The following SUFU variants were observed in gnomAD, a reference collection of about 807,000 sequenced individuals.
SUFU encodes suppressor of fused homolog.
A neutral mutation model predicts 58.9 loss-of-function variants in SUFU; 7 were observed. The ratio of observed to expected loss-of-function variants is 0.12; its 90% CI spans 0.07 to 0.22. The LOEUF is 0.22. SUFU is among the 10% of genes least tolerant of loss of function. The pLI is 1.00. For missense variants in SUFU, 451 were observed against 641.3 expected (o/e 0.70, Z 3.20); for synonymous variants, 232 against 254.8 (o/e 0.91, Z 0.85).
intron 11 of SUFU, among the ~76,000 whole-genome samples, chr10:102,627,950 C>T (rs2063801395): frequency 6.6e-6 from 1 of 152,234 alleles, no homozygotes; most frequent in Non-Finnish European, 1.5e-5. Context: ...GCCCGCAGCA[C>T]CCCAGTGGGA....
chr10:102,579,241 G>A (rs570278191), intron 3 of SUFU, among the ~76,000 whole-genome samples: 2 of 152,276 alleles, frequency 1.3e-5, no homozygotes, highest in South Asian at 4.1e-4. Context: ...CACCCTCATT[G>A]GGGGGAGAAT....
At chr10:102,605,531 G>T (rs1404862775) in intron 8 of SUFU, among the ~76,000 whole-genome samples, 3 of 152,134 alleles carry the variant, frequency 2.0e-5, no homozygotes, top group African/African-American at 7.2e-5. Context: ...TTGTCATTTG[G>T]TTATTGGTGT....
chr10:102,628,537 G>A lies in SUFU; in HGVS notation c.1365+1294G>A, dbSNP rs566992520. ...AGAGGCCTTGTCGCACTGGGATGGCGCTGTGCCAGGCTGCTGCTTTGAGCT... is the reference window on the plus strand; with the variant it reads ...AGAGGCCTTGTCGCACTGGGATGGCACTGTGCCAGGCTGCTGCTTTGAGCT... On this transcript the variant is annotated intron_variant, in intron 11 of 11. Transcript: ENST00000369902. The surrounding 1 kb of genome is among the most constrained non-coding windows in gnomAD (Gnocchi z 4.5). 3.3e-5 allele frequency among the ~76,000 whole-genome samples: 5 copies of A among 152,354 alleles called. No homozygotes were observed. Among genetic ancestry groups the A allele is most frequent in the East Asian group, 3.9e-4 (2 of 5,188 alleles).
intron 3 of SUFU, among the ~76,000 whole-genome samples, chr10:102,592,155 T>C (rs1353738765): frequency 6.6e-6 from 1 of 152,188 alleles, no homozygotes; most frequent in Non-Finnish European, 1.5e-5. Context: ...GGTCTGTTTC[T>C]CCAAGGTGAA....
intron 10 of SUFU, among the ~76,000 whole-genome samples, chr10:102,620,491 A>C (rs950667073): frequency 6.6e-6 from 1 of 152,212 alleles, no homozygotes; most frequent in Non-Finnish European, 1.5e-5. Flanking sequence ...CAGGTGGAGC[A>C]CAGTGGACAC....
At chr10:102,518,703 T>C (rs1440080096) in intron 2 of SUFU, among the ~76,000 whole-genome samples, 1 of 152,004 alleles carries the variant, frequency 6.6e-6, no homozygotes, top group Non-Finnish European at 1.5e-5. Context: ...TGCACCATCA[T>C]GCCTGGCTAA....
At chr10:102,595,590 G>A (rs564272998) in intron 6 of SUFU, among the ~76,000 whole-genome samples, 20 of 1,388 alleles carry the variant, frequency 0.014, no homozygotes, top group African/African-American at 0.028. Context: ...TCCATGCCAA[G>A]GGCTGTTCTT....
In SUFU at chr10:102,606,978, G is replaced by A. The variant is rs2063567837; in HGVS notation, c.1022+7434G>A. Among the ~76,000 whole-genome samples, 4 of 152,102 alleles carry A rather than the reference G, an allele frequency of 2.6e-5. No homozygotes were observed. In the South Asian group the frequency reaches 8.3e-4, roughly 31 times the overall value. On this transcript the variant is annotated intron_variant, in intron 8 of 11. Coordinates refer to ENST00000369902, the MANE Select transcript of SUFU (RefSeq NM_016169.4). ...GGTTGGAAGGATCCTCTGGAGAAAT[G>A]TCTCCAAGAAAATAAAATTGATAAA...
At chr10:102,506,656 G>A (rs57795708) in intron 1 of SUFU, among the ~76,000 whole-genome samples, 65 of 152,358 alleles carry the variant, frequency 4.3e-4, no homozygotes, top group African/African-American at 1.5e-3. Context: ...TAGGATTACA[G>A]GCGTGAGCCA....
rs987310561 is a variant in SUFU, at chr10:102,599,289, T to TTACATCTGGATG, written c.911-143_911-132dup. 2.3e-5 allele frequency: 17 copies of TTACATCTGGATG among 735,646 alleles called. No individual in the cohort carries two copies. In the African/African-American group the frequency reaches 2.8e-4, roughly 12 times the overall value. The allele number at this position is 735,646 out of a possible 1,614,324, so 45.6% of individuals were successfully genotyped here. ...CTCGCAATCTGTACTCACTCAGCGC[T>TTACATCTGGATG]TACATCTGGATGCGTAGAGTGGGCT... On this transcript the variant is annotated intron_variant, in intron 7 of 11. Coordinates refer to ENST00000369902, the MANE Select transcript of SUFU (RefSeq NM_016169.4).
At chr10:102,594,187 C>A in intron 6 of SUFU, 122 bp downstream of exon 6, 2 of 987,698 alleles carry the variant, frequency 2.0e-6, no homozygotes, top group Non-Finnish European at 1.6e-6. Flanking sequence ...AATATGGCAT[C>A]ACTTGGAACT....
chr10:102,571,131 G>A (rs2063156212), intron 3 of SUFU, among the ~76,000 whole-genome samples: 1 of 152,130 alleles, frequency 6.6e-6, no homozygotes, highest in Non-Finnish European at 1.5e-5. Context: ...TAAGAGAGGA[G>A]ACTCTTAACT....
intron 10 of SUFU, among the ~76,000 whole-genome samples, chr10:102,621,362 C>T (rs2063738937): frequency 6.6e-6 from 1 of 152,318 alleles, no homozygotes; most frequent in East Asian, 1.9e-4. Context: ...TAGGAAAGGA[C>T]TGTGATGCCG....
chr10:102,523,130 A>G (rs1212952027), intron 2 of SUFU, among the ~76,000 whole-genome samples: 2 of 152,142 alleles, frequency 1.3e-5, no homozygotes, highest in African/African-American at 2.4e-5. Context: ...TCAGAGAGGT[A>G]TGGTTCACTG....
chr10:102,508,700 C>G (rs1369682684), intron 1 of SUFU, among the ~76,000 whole-genome samples: 1 of 152,188 alleles, frequency 6.6e-6, no homozygotes, highest in Non-Finnish European at 1.5e-5. Context: ...AATTAGCTGT[C>G]TAAGAGGCTG....
Position 102,592,675 on chromosome 10 carries a change from C to T in SUFU, c.548C>T (p.Pro183Leu), listed in dbSNP as rs2063416086. The T allele has an allele frequency of 6.2e-7, 1 of 1,614,216 alleles. No individual in the cohort carries two copies. Among genetic ancestry groups the T allele is most frequent in the Non-Finnish European group, 8.5e-7 (1 of 1,180,036 alleles). ...RIQHMLLTEDPQMQPVQTPFG... is the reference protein window; with the variant it reads ...RIQHMLLTEDLQMQPVQTPFG... The stretch of plus-strand genomic sequence containing the variant: ...CAGCACATGCTGCTGACAGAGGACC[C>T]ACAGATGCAGCCCGTGCAGACACCC... Residue 183 changes from proline to leucine, a missense_variant, in exon 4 of 12, where the codon CCA becomes CTA. Transcript: ENST00000369902.
intron 8 of SUFU, among the ~76,000 whole-genome samples, chr10:102,611,591 G>A (rs1024037918): frequency 2.6e-5 from 4 of 152,242 alleles, no homozygotes; most frequent in African/African-American, 9.6e-5. Flanking sequence ...TTAAGCCATT[G>A]ACATTTTTAC....
chr10:102,531,166 G>C (rs1016794303), intron 2 of SUFU, among the ~76,000 whole-genome samples: 2 of 151,834 alleles, frequency 1.3e-5, no homozygotes, highest in African/African-American at 4.8e-5. Flanking sequence ...GAGGCAGGAG[G>C]ATCACTTGAG....
upstream of SUFU, among the ~76,000 whole-genome samples, chr10:102,502,937 G>A (rs2062270118): frequency 6.6e-6 from 1 of 152,228 alleles, no homozygotes; most frequent in African/African-American, 2.4e-5. Context: ...TGGTCATGTT[G>A]CATGCCTGGA....
Sources: gnomAD v4.1 joint callset for allele counts (sites outside exome capture counted in the v4.1 genomes callset) on GRCh38, gnomAD v4.1.1 for gene constraint, Gnocchi (gnomAD v3.1) non-coding constraint, MANE v1.5 for transcripts, NCBI Gene and HGNC (gene_info 2026-07-23, HGNC 2026-07-21) for gene names.